USP2: variants seen among roughly 807,000 people sequenced by gnomAD.
USP2 encodes the protein ubiquitin carboxyl-terminal hydrolase 2.
USP2 carries 33 observed loss-of-function variants against 72.0 expected under a neutral mutation model. The observed-to-expected ratio is 0.46, with a 90% CI of 0.35 to 0.61. The LOEUF is 0.61. Among genes scored for constraint, USP2 ranks in the 20% least tolerant of loss-of-function variants. The probability of loss-of-function intolerance (pLI) is 0.01; values close to 1 mark genes in which losing one functional copy is unlikely to be tolerated. For missense variants in USP2, 691 were observed against 797.8 expected (o/e 0.87, Z 1.61); for synonymous variants, 296 against 312.5 (o/e 0.95, Z 0.56).
At chr11:119,363,381 A>AC (rs970106273) in intron 2 of USP2, among the ~76,000 whole-genome samples, 3 of 151,828 alleles carry the variant, frequency 2.0e-5, no homozygotes, top group African/African-American at 7.3e-5. Flanking sequence ...GGGTCAAAGG[A>AC]CCCCCGTCAC....
At chr11:119,360,317 G>T in intron 2 of USP2, 83 bp from the exon 3 acceptor site, 2 of 1,427,294 alleles carry the variant, frequency 1.4e-6, no homozygotes, top group Non-Finnish European at 2.0e-6. Flanking sequence ...TTTCTAACCA[G>T]CTGGAGCCAC....
At chr11:119,358,295 G>A (rs764022976) in intron 7 of USP2, 43 bp from the exon 8 acceptor site, 1 of 1,574,994 alleles carries the variant, frequency 6.3e-7, no homozygotes, top group South Asian at 1.1e-5. Context: ...ACAGGAAGTA[G>A]AGCATGGTCT....
In USP2 at chr11:119,373,475, G is replaced by T. The variant is rs745853429; in HGVS notation, c.6C>A (p.Ser2=). ...AGCGCTTCAGGGTGGAGGAGAGCTG[G>T]GACATCCTTCAGGGTGGCACTCAGT... M[S]QLSSTLKRYT... The change falls in exon 2 of 13, where the codon TCC becomes TCA. Residue 2 remains serine, a synonymous_variant. Transcript: ENST00000260187. 1.3e-6 allele frequency: 2 copies of T among 1,578,316 alleles called. No individual in the cohort carries two copies. Among genetic ancestry groups the T allele is most frequent in the Non-Finnish European group, 1.7e-6 (2 of 1,168,240 alleles).
chr11:119,356,973 C>T (rs1950667701), intron 12 of USP2, 51 bp from the exon 13 acceptor site: 2 of 1,541,872 alleles, frequency 1.3e-6, no homozygotes, highest in Non-Finnish European at 1.8e-6. Flanking sequence ...CGGGAGACCC[C>T]CCGCCGGCTT....
In USP2 at chr11:119,381,628, G is replaced by A. The variant is rs1951060135; in HGVS notation, c.-197C>T. ...CTGACTCTCTCCCACCTCCGCCGGGGGCCCAGAAGGGACCTCCCCGGGAAA... is the reference window on the plus strand; with the variant it reads ...CTGACTCTCTCCCACCTCCGCCGGGAGCCCAGAAGGGACCTCCCCGGGAAA... On this transcript the variant is annotated 5_prime_UTR_variant, in exon 1 of 13. Coordinates refer to ENST00000260187, the MANE Select transcript of USP2 (RefSeq NM_004205.5). 5.8e-6 allele frequency: 8 copies of A among 1,385,224 alleles called. 1 individual carries two copies. The highest frequency in any genetic ancestry group is 3.7e-5 in the South Asian group (3 of 80,174). 85.8% of individuals were successfully genotyped at this position (1,385,224 alleles called of 1,614,324 possible). A position where few individuals can be genotyped will look rare whatever the true frequency, so the allele number is the denominator to read the frequency against.
chr11:119,359,568 G>A lies in USP2; in HGVS notation c.918C>T (p.His306=), dbSNP rs1486140991. 1.7e-5 allele frequency: 27 copies of A among 1,613,898 alleles called. No individual in the cohort carries two copies. Among genetic ancestry groups the A allele is most frequent in the East Asian group, 1.6e-4 (7 of 44,878 alleles). ...LQRLYMRDLH[H]GSNAHTALVE... ...CGAGGGCTGTGTGTGCATTGCTGCC[G>A]TGGTGCAGGTCCCGCATGTAGAGCC... is the stretch of plus-strand genomic sequence containing the variant. The change falls in exon 4 of 13, where the codon CAC becomes CAT. Residue 306 remains histidine (H), a synonymous_variant. Transcript: ENST00000260187.
At chr11:119,375,253 ATCCCAG>A (rs889384683) in intron 1 of USP2, among the ~76,000 whole-genome samples, 2 of 152,246 alleles carry the variant, frequency 1.3e-5, no homozygotes, top group African/African-American at 4.8e-5. Context: ...AAGCTCTAGA[ATCCCAG>A]TCCACACAAG....
intron 2 of USP2, among the ~76,000 whole-genome samples, chr11:119,370,734 G>T (rs1950915033): frequency 6.6e-6 from 1 of 152,228 alleles, no homozygotes; most frequent in Non-Finnish European, 1.5e-5. Flanking sequence ...CAACTGCAGG[G>T]CATTCCCGGC....
intron 1 of USP2, chr11:119,379,279 G>A: frequency 2.0e-6 from 2 of 985,432 alleles, no homozygotes; most frequent in South Asian, 9.4e-5. Flanking sequence ...TGCCAGCCAA[G>A]GAGGTCTGTG....
intron 2 of USP2, among the ~76,000 whole-genome samples, chr11:119,361,521 G>A (rs1293484275): frequency 1.3e-5 from 2 of 151,506 alleles, no homozygotes; most frequent in Non-Finnish European, 2.9e-5. Flanking sequence ...CAGAACAGGA[G>A]CCTGAAATAA....
In USP2 at chr11:119,359,092, C is replaced by T. The variant is rs1444637879; in HGVS notation, c.1104G>A (p.Gly368=). The T allele has an allele frequency of 4.3e-6, 7 of 1,614,018 alleles. No individual in the cohort carries two copies. Among genetic ancestry groups the T allele is most frequent in the Non-Finnish European group, 5.9e-6 (7 of 1,180,034 alleles). The change falls in exon 6 of 13, where the codon GGG becomes GGA. Residue 368 remains glycine, a synonymous_variant. Coordinates refer to ENST00000260187, the MANE Select transcript of USP2 (RefSeq NM_004205.5). ...AQEFLRFLLD[G]LHNEVNRVTL... ...TCACTCGGTTCACCTCGTTATGGAG[C>T]CCATCCAGAAGAAAGCGAAGGAACT...
rs1950714468 is a variant in USP2 at position 119,358,774 on chromosome 11, C to T, written c.1236G>A (p.Gly412=). 1 of 1,614,148 alleles carries T rather than the reference C, an allele frequency of 6.2e-7. No homozygotes were observed. ...KYLEREDSRI[G]DLFVGQLKSS... Reference sequence around the variant, plus strand: ...GCATCTTCCCTTTCATGCGCTTACCCCCGATCCTACTGTCTTCCCGTTCTA... The same window carrying T: ...GCATCTTCCCTTTCATGCGCTTACCTCCGATCCTACTGTCTTCCCGTTCTA... The change falls in exon 7 of 13, where the codon GGG becomes GGA. Residue 412 remains glycine (G), a splice_region_variant and synonymous_variant. Coordinates refer to ENST00000260187, the MANE Select transcript of USP2 (RefSeq NM_004205.5).
At position 119,359,548 on chromosome 11, in the gene USP2, G is replaced by C. The variant is rs1197101470; in HGVS notation, c.938C>G (p.Ala313Gly). ...AGAGGGCCTCTCACCTTCCACGAGG[G>C]CTGTGTGTGCATTGCTGCCGTGGTG... ...DLHHGSNAHT[A>G]LVEEFAKLIQ... Residue 313 changes from alanine (A) to glycine (G), a missense_variant, in exon 4 of 13, where the codon GCC (alanine) becomes GGC (glycine). Coordinates refer to ENST00000260187, the MANE Select transcript of USP2 (RefSeq NM_004205.5). The C allele has an allele frequency of 6.2e-7, 1 of 1,613,936 alleles. No individual in the cohort carries two copies. The highest frequency in any genetic ancestry group is 1.1e-5 in the South Asian group (1 of 91,078).
At position 119,372,807 on chromosome 11, in the gene USP2, C is replaced by T; in HGVS notation, c.674G>A (p.Ser225Asn). ...APPSRVPEII[S>N]PTYRPIGRYT... ...GCGGCCAATGGGTCGGTAGGTTGGG[C>T]TGATGATTTCAGGGACTCGTGAGGG... The change falls in exon 2 of 13, where the codon AGC becomes AAC. Residue 225 changes from serine to asparagine, a missense_variant. By Grantham distance (46) the Ser-to-Asn change is conservative. Transcript: ENST00000260187. 6.2e-7 allele frequency: 1 copy of T among 1,605,476 alleles called. No individual in the cohort carries two copies. Among genetic ancestry groups the T allele is most frequent in the Non-Finnish European group, 8.5e-7 (1 of 1,176,146 alleles).
chr11:119,356,768 T>C lies in USP2; in HGVS notation c.*67A>G. The C allele has an allele frequency of 4.2e-6, 6 of 1,421,704 alleles. No homozygotes were observed. Among genetic ancestry groups the C allele is most frequent in the Non-Finnish European group, 4.7e-6 (5 of 1,057,022 alleles). 88.1% of individuals were successfully genotyped at this position (1,421,704 alleles called of 1,614,324 possible). A position where few individuals can be genotyped will look rare whatever the true frequency, so the allele number is the denominator to read the frequency against. On this transcript the variant is annotated 3_prime_UTR_variant, in exon 13 of 13. Transcript: ENST00000260187. ...TGTGTTGTTGTTGTTGTTTTGTTTT[T>C]GTCTTTTTAAAAAATTTAGGGAGCG...
chr11:119,362,182 TCA>T (rs1950774273), intron 2 of USP2, among the ~76,000 whole-genome samples: 1 of 152,136 alleles, frequency 6.6e-6, no homozygotes, highest in Non-Finnish European at 1.5e-5. Context: ...GAGACAACAG[TCA>T]CTCAGTGCTA....
rs1950655439 is a variant in USP2 at position 119,356,580 on chromosome 11, A to G, written c.*255T>C. 1 of 503,782 alleles carries G rather than the reference A, an allele frequency of 2.0e-6. No individual in the cohort carries two copies. The highest frequency in any genetic ancestry group is 2.0e-5 in the African/African-American group (1 of 49,836). The allele number at this position is 503,782 out of a possible 1,614,324, so 31.2% of individuals were successfully genotyped here. A position where few individuals can be genotyped will look rare whatever the true frequency, so the allele number is the denominator to read the frequency against. On this transcript the variant is annotated 3_prime_UTR_variant, in exon 13 of 13. Coordinates refer to ENST00000260187, the MANE Select transcript of USP2 (RefSeq NM_004205.5). ...CACATAGGAAGACCACAAGTTTACA[A>G]ATGCAAACGCCGAGGGCACGGGGCG... is the stretch of plus-strand genomic sequence containing the variant.
chr11:119,357,148 G>A, intron 12 of USP2, 39 bp downstream of exon 12: 1 of 1,609,090 alleles, frequency 6.2e-7, no homozygotes, highest in Non-Finnish European at 8.5e-7. Context: ...GAGAGTGGGT[G>A]GCTACAGCCA....
At chr11:119,358,899 C>G in intron 6 of USP2, 62 bp from the exon 7 acceptor site, 1 of 1,596,544 alleles carries the variant, frequency 6.3e-7, no homozygotes, top group Non-Finnish European at 8.6e-7. Flanking sequence ...AAGGGTCTGT[C>G]AATTTTGATC....
Sources: allele counts gnomAD v4.1 joint callset (sites outside exome capture counted in the v4.1 genomes callset), GRCh38; gene constraint gnomAD v4.1.1; transcripts MANE v1.5; gene names NCBI Gene and HGNC (gene_info 2026-07-23, HGNC 2026-07-21).